The following ARID5B variants were observed in gnomAD, a reference collection of about 807,000 sequenced individuals.
ARID5B encodes the protein AT-rich interactive domain-containing protein 5B.
Under a neutral mutation model 97.2 loss-of-function variants are expected in ARID5B, and 13 were observed. That is an observed-to-expected ratio of 0.13 (90% CI 0.09 to 0.21). The LOEUF is 0.21. ARID5B is among the 10% of genes least tolerant of loss of function. The pLI is 1.00. For missense variants in ARID5B, 1,210 were observed against 1,465.3 expected (o/e 0.83, Z 2.84); for synonymous variants, 556 against 570.3 (o/e 0.97, Z 0.36).
intron 4 of ARID5B, among the ~76,000 whole-genome samples, chr10:62,012,369 C>CAAAAT (rs1016906541): frequency 1.1e-4 from 16 of 151,958 alleles, no homozygotes; most frequent in African/African-American, 3.9e-4. Flanking sequence ...CAAAACAAAA[C>CAAAAT]AAAAATTAGC....
intron 9 of ARID5B, among the ~76,000 whole-genome samples, chr10:62,088,986 AAACCTGTTTTAC>A (rs1461085700): frequency 9.9e-5 from 15 of 152,284 alleles, no homozygotes; most frequent in African/African-American, 3.4e-4. Context: ...AAGACTTCCT[AAACCTGTTTTAC>A]AACCCGAAGC....
chr10:61,974,641 G>A (rs540198608), intron 3 of ARID5B, among the ~76,000 whole-genome samples: 36 of 152,160 alleles, frequency 2.4e-4, no homozygotes, highest in Non-Finnish European at 4.3e-4. Flanking sequence ...AATTTGAGAC[G>A]GTCTCATTTA....
At chr10:61,911,081 A>G (rs1293816053) in intron 2 of ARID5B, among the ~76,000 whole-genome samples, 1 of 152,148 alleles carries the variant, frequency 6.6e-6, no homozygotes, top group African/African-American at 2.4e-5. Context: ...CTTCCACCCC[A>G]TAGTTGAGTT....
intron 3 of ARID5B, among the ~76,000 whole-genome samples, chr10:61,971,576 G>GATA (rs1422310596): frequency 6.6e-6 from 1 of 152,204 alleles, no homozygotes; most frequent in Non-Finnish European, 1.5e-5. Context: ...TGCCATGGTG[G>GATA]ATACATGACA....
chr10:61,972,710 C>G (rs887982602), intron 3 of ARID5B, among the ~76,000 whole-genome samples: 25 of 152,136 alleles, frequency 1.6e-4, no homozygotes, highest in African/African-American at 5.6e-4. Context: ...ATAAACAGTG[C>G]TCTCAGAGAC....
chr10:62,076,561 C>CAAAAAAAAAAAAAAAAAA (rs11363274), intron 8 of ARID5B, among the ~76,000 whole-genome samples: 4 of 92,684 alleles, frequency 4.3e-5, no homozygotes, highest in Non-Finnish European at 4.4e-5. Context: ...GACTCTGTCT[C>CAAAAAAAAAAAAAAAAAA]AAAAAAAAAA....
At chr10:62,081,521 A>G (rs184973254) in intron 8 of ARID5B, among the ~76,000 whole-genome samples, 3 of 152,278 alleles carry the variant, frequency 2.0e-5, no homozygotes, top group African/African-American at 7.2e-5. Context: ...AAGGGAGGGG[A>G]ATGTTGTGTA....
rs760433211 is a variant in ARID5B, at chr10:62,092,136, C to G, written c.2673C>G (p.Asp891Glu). The change falls in exon 10 of 10, where the codon GAC becomes GAG. Residue 891 changes from aspartate to glutamate, a missense_variant. By Grantham distance (45) the Asp-to-Glu change is conservative. This residue lies in a region of ARID5B where 800 missense variants were observed against 839.1 expected (regional missense o/e 0.95). Coordinates refer to ENST00000279873, the MANE Select transcript of ARID5B (RefSeq NM_032199.3). ...ATCTCACGTCCCTGCACCTGCAAGA[C>G]AAAAAGTCGGCGGCAGCAGAAGCCC... ...VNYLTSLHLQ[D>E]KKSAAAEAPT... is the part of the protein sequence containing the mutation. 3.1e-6 allele frequency: 5 copies of G among 1,607,662 alleles called. No individual in the cohort carries two copies. The South Asian group carries it at 5.5e-5, about 18-fold the overall frequency.
chr10:61,940,501 TA>T (rs2132796062), intron 3 of ARID5B, 93 bp downstream of exon 3: 2 of 1,068,878 alleles, frequency 1.9e-6, no homozygotes, highest in East Asian at 2.6e-5. Flanking sequence ...CATTTATATA[TA>T]AATGTATTTC....
At chr10:61,934,880 G>A (rs541350072) in intron 2 of ARID5B, among the ~76,000 whole-genome samples, 1 of 151,976 alleles carries the variant, frequency 6.6e-6, no homozygotes, top group Non-Finnish European at 1.5e-5. Flanking sequence ...GGGCATGGTG[G>A]CACATGCCTG....
At chr10:61,958,597 G>A (rs1302723925) in intron 3 of ARID5B, among the ~76,000 whole-genome samples, 1 of 152,172 alleles carries the variant, frequency 6.6e-6, no homozygotes, top group Non-Finnish European at 1.5e-5. Context: ...CCCATCCCAT[G>A]TACTACTCTT....
chr10:61,929,958 G>C (rs1358566083), intron 2 of ARID5B, among the ~76,000 whole-genome samples: 7 of 152,226 alleles, frequency 4.6e-5, no homozygotes. Context: ...CAAAGGGAAG[G>C]CTGTGCAGTT....
chr10:61,972,457 G>A (rs905887804), intron 3 of ARID5B, among the ~76,000 whole-genome samples: 7 of 152,108 alleles, frequency 4.6e-5, no homozygotes, highest in Admixed American at 6.5e-5. Flanking sequence ...TCAAACTCCT[G>A]ACCTCAGGTG....
chr10:62,092,427 G>A lies in ARID5B; in HGVS notation c.2964G>A (p.Lys988=). The A allele has an allele frequency of 2.5e-6, 4 of 1,614,218 alleles. No homozygotes were observed. Among genetic ancestry groups the A allele is most frequent in the Non-Finnish European group, 3.4e-6 (4 of 1,180,024 alleles). ...PHHVRLENFR[K]MEGMVHPILH... ...ATGTGAGACTGGAGAATTTCAGGAAGATGGAAGGCATGGTCCACCCAATCC... is the reference window on the plus strand; with the variant it reads ...ATGTGAGACTGGAGAATTTCAGGAAAATGGAAGGCATGGTCCACCCAATCC... Residue 988 remains lysine, a synonymous_variant, in exon 10 of 10, where the codon AAG becomes AAA. Coordinates refer to ENST00000279873, the MANE Select transcript of ARID5B (RefSeq NM_032199.3).
chr10:62,085,953 G>A (rs1442317478), intron 9 of ARID5B, 53 bp downstream of exon 9: 2 of 1,557,820 alleles, frequency 1.3e-6, no homozygotes, highest in Non-Finnish European at 8.7e-7. Flanking sequence ...GCTGCCTCGA[G>A]GTCCTTCTGG....
chr10:61,962,746 C>G lies in ARID5B; in HGVS notation c.502+22338C>G, dbSNP rs150172824. On this transcript the variant is annotated intron_variant, in intron 3 of 9. Transcript: ENST00000279873. ...GACAGATGAACTCCTAAAGTTTGGACTAGAATAAATTTTCCCATATATGAG... is the reference window on the plus strand; with the variant it reads ...GACAGATGAACTCCTAAAGTTTGGAGTAGAATAAATTTTCCCATATATGAG... Among the ~76,000 whole-genome samples, 120 of 152,310 alleles carry G rather than the reference C, an allele frequency of 7.9e-4. 4 individuals are homozygous for G. In the East Asian group the frequency reaches 0.02, roughly 25 times the overall value.
At position 61,996,895 on chromosome 10, in the gene ARID5B, A is replaced by AATAT. The variant is rs367939798; in HGVS notation, c.503-3181_503-3178dup. 6.0e-4 allele frequency among the ~76,000 whole-genome samples: 87 copies of AATAT among 146,200 alleles called. No homozygotes were observed. In the East Asian group the frequency reaches 0.015, roughly 25 times the overall value. On this transcript the variant is annotated intron_variant, in intron 3 of 9. Transcript: ENST00000279873. Reference sequence around the variant, plus strand: ...AAAAGTCTGACAACTGAAAAAAAAAAATATATATATATATATATTTCAAAA... The same window carrying AATAT: ...AAAAGTCTGACAACTGAAAAAAAAAAATATATATATATATATATATATTTCAAAA...
At chr10:61,984,559 T>G (rs1046246754) in intron 3 of ARID5B, among the ~76,000 whole-genome samples, 3 of 151,392 alleles carry the variant, frequency 2.0e-5, no homozygotes, top group Non-Finnish European at 3.0e-5. Flanking sequence ...AGGCAGCAGG[T>G]GGGGGGGGCC....
chr10:61,992,606 T>C (rs1449468425), intron 3 of ARID5B, among the ~76,000 whole-genome samples: 2 of 152,066 alleles, frequency 1.3e-5, no homozygotes, highest in African/African-American at 2.4e-5. Flanking sequence ...CCACATTTAC[T>C]TTTTTTTAAG....
Sources: allele counts gnomAD v4.1 joint callset (sites outside exome capture counted in the v4.1 genomes callset), GRCh38; gene constraint gnomAD v4.1.1; regional missense constraint gnomAD v4.1.1; transcripts MANE v1.5; gene names NCBI Gene and HGNC (gene_info 2026-07-23, HGNC 2026-07-21).